The following JAK3 variants were observed in gnomAD, a reference collection of about 807,000 sequenced individuals.
The protein encoded by JAK3 is Janus kinase 3.
A neutral mutation model predicts 120.8 loss-of-function variants in JAK3; 88 were observed. The observed-to-expected ratio is 0.73, with a 90% CI of 0.61 to 0.87. The LOEUF (loss-of-function observed/expected upper bound fraction) is 0.87, where lower values mean the gene tolerates loss of function less well. Ranked by LOEUF, JAK3 falls within the 40% of genes least tolerant of loss-of-function variation. The probability of loss-of-function intolerance (pLI) is 0.00; values close to 1 mark genes in which losing one functional copy is unlikely to be tolerated. For synonymous variants in JAK3, 592 were observed against 628.6 expected, an observed-to-expected ratio of 0.94 and a Z score of 0.87; for missense variants, 1,254 against 1,501.4, an observed-to-expected ratio of 0.84 and a Z score of 2.72.
chr19:17,843,053 C>A lies in JAK3; in HGVS notation c.540G>T (p.Arg180=). 6.2e-7 allele frequency: 1 copy of A among 1,610,804 alleles called. No homozygotes were observed. The highest frequency in any genetic ancestry group is 8.5e-7 in the Non-Finnish European group (1 of 1,179,928). ...LARMAREQAQ[R]PGELLKTVSY... ...TGACAGTCTTCAGCAGCTCTCCCGG[C>A]CGCTGGGCCTGCTCTCGCGCCATCC... The change falls in exon 5 of 24, where the codon CGG becomes CGT. Residue 180 remains arginine (R), a synonymous_variant. Coordinates refer to ENST00000458235, the MANE Select transcript of JAK3 (RefSeq NM_000215.4). The surrounding 1 kb of genome is among the most constrained non-coding windows in gnomAD (Gnocchi z 5.4).
chr19:17,830,108 C>T lies in JAK3; in HGVS notation c.3207G>A (p.Glu1069=). 6.4e-7 allele frequency: 1 copy of T among 1,573,918 alleles called. No homozygotes were observed. The highest frequency in any genetic ancestry group is 8.6e-7 in the Non-Finnish European group (1 of 1,160,614). The change falls in exon 23 of 24, where the codon GAG becomes GAA. Residue 1069 remains glutamate, a splice_region_variant and synonymous_variant. Transcript: ENST00000458235. ...CTGAGGCTAGCCCTGCGGCGCTCACCTCAGCAGGGCAGGCAGGAGGCGCCG... is the reference window on the plus strand; with the variant it reads ...CTGAGGCTAGCCCTGCGGCGCTCACTTCAGCAGGGCAGGCAGGAGGCGCCG... ...RLPAPPACPA[E]VHELMKLCWA...
chr19:17,831,305 G>A lies in JAK3; in HGVS notation c.2901C>T (p.Asp967=), dbSNP rs1400895193. 1 of 1,612,774 alleles carries A rather than the reference G, an allele frequency of 6.2e-7. No homozygotes were observed. Among genetic ancestry groups the A allele is most frequent in the South Asian group, 1.1e-5 (1 of 91,082 alleles). Residue 967 remains aspartate, a synonymous_variant, in exon 21 of 24, where the codon GAC becomes GAT. Coordinates refer to ENST00000458235, the MANE Select transcript of JAK3 (RefSeq NM_000215.4). The surrounding 1 kb of genome is among the most constrained non-coding windows in gnomAD (Gnocchi z 5.1). ...VESEAHVKIA[D]FGLAKLLPLD... ...GCGGCAGCAGCTTAGCTAGGCCGAA[G>A]TCAGCGATCTTGACGTGTGCCTCGC...
At chr19:17,828,599 G>C (rs1322417611) in intron 23 of JAK3, among the ~76,000 whole-genome samples, 16 of 151,740 alleles carry the variant, frequency 1.1e-4, no homozygotes, top group Non-Finnish European at 7.4e-5. Context: ...ACGTTGCCCA[G>C]GCTGGTCTTG....
intron 10 of JAK3, chr19:17,839,187 A>C (rs1298006469): frequency 5.4e-6 from 3 of 555,104 alleles, no homozygotes; most frequent in Non-Finnish European, 1.0e-5. Flanking sequence ...CACATCTCAG[A>C]ATTGTCCCAT....
In JAK3 at chr19:17,831,710, G is replaced by C; in HGVS notation, c.2769C>G (p.Ala923=). ...GCGAGGAATAGAGAAGGAGGCGGCT[G>C]GCATCGAGGCGCGCGCGGTGCCGCT... The part of the protein sequence containing the change: ...FLQRHRARLD[A]SRLLLYSSQI... Residue 923 remains alanine (A), a synonymous_variant, in exon 20 of 24, where the codon GCC becomes GCG. Transcript: ENST00000458235. This position sits in a 1 kb window ranked among gnomAD's most constrained non-coding sequence, Gnocchi z 5.1. 1.9e-6 allele frequency: 3 copies of C among 1,611,008 alleles called. No homozygotes were observed. The highest frequency in any genetic ancestry group is 2.5e-6 in the Non-Finnish European group (3 of 1,179,200).
chr19:17,844,038 C>A (rs2094246219), intron 2 of JAK3, 138 bp from the exon 3 acceptor site: 2 of 1,249,196 alleles, frequency 1.6e-6, no homozygotes, highest in Non-Finnish European at 2.3e-6. Context: ...TGCCGTCACA[C>A]CTCTCCGTCT....
intron 23 of JAK3, 50 bp from the exon 24 acceptor site, chr19:17,826,960 A>G (rs1437873624): frequency 6.3e-7 from 1 of 1,575,714 alleles, no homozygotes; most frequent in Admixed American, 1.7e-5. Flanking sequence ...AGTCCAAAGG[A>G]CACAACTCCC....
chr19:17,829,771 G>GAAA, intron 23 of JAK3: 1 of 381,528 alleles, frequency 2.6e-6, no homozygotes, highest in Non-Finnish European at 4.7e-6. Flanking sequence ...AAGAAAGAAA[G>GAAA]AAAAAAAAAA....
At chr19:17,827,769 G>A (rs1417535102) in intron 23 of JAK3, among the ~76,000 whole-genome samples, 4 of 136,492 alleles carry the variant, frequency 2.9e-5, no homozygotes, top group African/African-American at 1.2e-4. Context: ...ATTACAGGTG[G>A]CGTGTGCCTG....
In JAK3 at chr19:17,824,956, G is replaced by C. The variant is rs569854764; in HGVS notation, c.*1787C>G. The C allele has an allele frequency of 4.5e-6, 1 of 221,474 alleles. No homozygotes were observed. 13.7% of individuals were successfully genotyped at this position (221,474 alleles called of 1,614,324 possible). On this transcript the variant is annotated 3_prime_UTR_variant, in exon 24 of 24. Coordinates refer to ENST00000458235, the MANE Select transcript of JAK3 (RefSeq NM_000215.4). ...AGGGAAGGACAGGGCTACAGTAGTAGTGGGGGTATATGAGGGAAGGCTGCA... is the reference window on the plus strand; with the variant it reads ...AGGGAAGGACAGGGCTACAGTAGTACTGGGGGTATATGAGGGAAGGCTGCA...
chr19:17,845,629 G>C (rs1373208292), intron 1 of JAK3, among the ~76,000 whole-genome samples: 1 of 152,120 alleles, frequency 6.6e-6, no homozygotes, highest in Non-Finnish European at 1.5e-5. Flanking sequence ...CACCCCCATA[G>C]TCCTAGCTAC....
rs569854764 is a variant in JAK3 at position 17,824,956 on chromosome 19, G to T, written c.*1787C>A. On this transcript the variant is annotated 3_prime_UTR_variant, in exon 24 of 24. Coordinates refer to ENST00000458235, the MANE Select transcript of JAK3 (RefSeq NM_000215.4). ...AGGGAAGGACAGGGCTACAGTAGTA[G>T]TGGGGGTATATGAGGGAAGGCTGCA... The T allele has an allele frequency of 2.8e-4, 62 of 221,592 alleles. No individual in the cohort carries two copies. In the Middle Eastern group the frequency reaches 5.6e-3, roughly 20 times the overall value. The allele number at this position is 221,592 out of a possible 1,614,324, so 13.7% of individuals were successfully genotyped here.
In JAK3 at chr19:17,836,003, A is replaced by T; in HGVS notation, c.1835T>A (p.Leu612Gln). 1 of 1,614,158 alleles carries T rather than the reference A, an allele frequency of 6.2e-7. No individual in the cohort carries two copies. Among genetic ancestry groups the T allele is most frequent in the East Asian group, 2.2e-5 (1 of 44,888 alleles). ...FVHLGAIDMY[L>Q]RKRGHLVPAS... ...TGGCACCAGGTGGCCACGTTTTCGC[A>T]GATACATGTCTATGGCCCCCAGGTG... is the stretch of plus-strand genomic sequence containing the variant. Residue 612 changes from leucine to glutamine, a missense_variant, in exon 14 of 24, where the codon CTG becomes CAG. Coordinates refer to ENST00000458235, the MANE Select transcript of JAK3 (RefSeq NM_000215.4).
Position 17,838,344 on chromosome 19 carries a change from T to C in JAK3, c.1488A>G (p.Thr496=). The C allele has an allele frequency of 4.3e-6, 7 of 1,614,106 alleles. No individual in the cohort carries two copies. The highest frequency in any genetic ancestry group is 5.9e-6 in the Non-Finnish European group (7 of 1,180,010). The stretch of plus-strand genomic sequence containing the variant: ...GGGATTGGGGCTGAACCAAGGATGA[T>C]GTGGGTGGGCTGTGACCTCTCTGGA... The part of the protein sequence containing the change: ...IVVQRGHSPP[T]SSLVQPQSQY... Residue 496 remains threonine, a synonymous_variant, in exon 11 of 24, where the codon ACA becomes ACG. Transcript: ENST00000458235.
intron 23 of JAK3, among the ~76,000 whole-genome samples, chr19:17,827,717 TAAAAAAAAAAAAAAAA>T (rs760856974): frequency 7.3e-4 from 57 of 77,688 alleles, no homozygotes; most frequent in Non-Finnish European, 1.0e-3. Context: ...CCATCTTAAC[TAAAAAAAAAAAAAAAA>T]AAAAAAAAAA....
In JAK3 at chr19:17,832,382, T is replaced by G. The variant is rs2094215948; in HGVS notation, c.2680+137A>C. ...AACTGGTAAGGGGTAGAGTCAGGAT[T>G]CAAACCTGTAACCCATGTGAATCTG... On this transcript the variant is annotated intron_variant, in intron 19 of 23. Coordinates refer to ENST00000458235, the MANE Select transcript of JAK3 (RefSeq NM_000215.4). This position sits in a 1 kb window ranked among gnomAD's most constrained non-coding sequence, Gnocchi z 4.7. 5.6e-6 allele frequency: 5 copies of G among 896,732 alleles called. No homozygotes were observed. The highest frequency in any genetic ancestry group is 5.4e-5 in the South Asian group (4 of 74,080). 55.5% of individuals were successfully genotyped at this position (896,732 alleles called of 1,614,324 possible). A position where few individuals can be genotyped will look rare whatever the true frequency, so the allele number is the denominator to read the frequency against.
chr19:17,838,418 C>A (rs2094229746), intron 10 of JAK3, 28 bp from the exon 11 acceptor site: 10 of 1,613,956 alleles, frequency 6.2e-6, no homozygotes, highest in African/African-American at 2.7e-5. Context: ...GGGAGAAAAA[C>A]CAGAAATCAG....
chr19:17,836,923 TGG>T (rs1331875080), intron 13 of JAK3: 1 of 682,588 alleles, frequency 1.5e-6, no homozygotes. Flanking sequence ...CAGGTCATTC[TGG>T]GGCTGGATAT....
At chr19:17,845,134 G>A (rs2094249202) in intron 1 of JAK3, among the ~76,000 whole-genome samples, 1 of 152,208 alleles carries the variant, frequency 6.6e-6, no homozygotes, top group Non-Finnish European at 1.5e-5. Context: ...CGGAGGCCAA[G>A]AAGGAAGGAT....
Sources: gnomAD v4.1 joint callset for allele counts (sites outside exome capture counted in the v4.1 genomes callset) on GRCh38, gnomAD v4.1.1 for gene constraint, Gnocchi (gnomAD v3.1) non-coding constraint, MANE v1.5 for transcripts, NCBI Gene and HGNC (gene_info 2026-07-23, HGNC 2026-07-21) for gene names.